The following LRP1B variants were observed in gnomAD, a reference collection of about 807,000 sequenced individuals.
LRP1B encodes LDL receptor related protein 1B.
LRP1B carries 217 observed loss-of-function variants against 556.6 expected under a neutral mutation model. That is an observed-to-expected ratio of 0.39 (90% CI 0.35 to 0.44). The LOEUF (loss-of-function observed/expected upper bound fraction) is 0.44, where lower values mean the gene tolerates loss of function less well. LRP1B is among the 20% of genes least tolerant of loss of function. The pLI is 1.00. For synonymous variants in LRP1B, 2,047 were observed against 1,865.8 expected, an observed-to-expected ratio of 1.10 and a Z score of -2.50; for missense variants, 5,053 against 5,620.8, an observed-to-expected ratio of 0.90 and a Z score of 3.23.
intron 7 of LRP1B, among the ~76,000 whole-genome samples, chr2:141,118,657 C>T (rs1164718286): frequency 6.6e-6 from 1 of 151,850 alleles, no homozygotes; most frequent in Non-Finnish European, 1.5e-5. Flanking sequence ...ACACTCTGGA[C>T]CACACTGTAT....
chr2:140,479,055 T>C (rs1473332003), intron 59 of LRP1B, among the ~76,000 whole-genome samples: 2 of 151,962 alleles, frequency 1.3e-5, no homozygotes, highest in Non-Finnish European at 2.9e-5. Flanking sequence ...AGAAGAATAT[T>C]ATGGATAATA....
At chr2:141,798,027 T>C (rs1015926170) in intron 2 of LRP1B, among the ~76,000 whole-genome samples, 1 of 152,086 alleles carries the variant, frequency 6.6e-6, no homozygotes, top group Non-Finnish European at 1.5e-5. Flanking sequence ...CTGGGGACAG[T>C]TGGAGAAGTT....
At chr2:141,106,743 G>T (rs985323953) in intron 7 of LRP1B, among the ~76,000 whole-genome samples, 1 of 152,078 alleles carries the variant, frequency 6.6e-6, no homozygotes, top group African/African-American at 2.4e-5. Context: ...CTCTTACTAA[G>T]GAGCCCCGCT....
intron 1 of LRP1B, among the ~76,000 whole-genome samples, chr2:141,845,900 A>C (rs908088580): frequency 5.9e-5 from 9 of 151,896 alleles, no homozygotes; most frequent in African/African-American, 1.9e-4. Flanking sequence ...TGACAAATAA[A>C]AATGTCACTG....
rs75576012 is a variant in LRP1B at position 141,045,882 on chromosome 2, C to T, written c.1789+3104G>A. 7.5e-3 allele frequency among the ~76,000 whole-genome samples: 1,147 copies of T among 152,144 alleles called. 3 individuals carry two copies. Among genetic ancestry groups the T allele is most frequent in the Non-Finnish European group, 0.012 (789 of 67,980 alleles). ...GAAAAAATACACATAGTAAATATCT[C>T]GTCTTTATGGAAGTTTATCTTTAAT... On this transcript the variant is annotated intron_variant, in intron 11 of 90. Transcript: ENST00000389484.
At chr2:140,791,854 T>A (rs982709434) in intron 32 of LRP1B, among the ~76,000 whole-genome samples, 2 of 152,174 alleles carry the variant, frequency 1.3e-5, no homozygotes, top group Admixed American at 1.3e-4. Context: ...GGTAAAAGAA[T>A]TATTTTGAGC....
At chr2:140,808,784 C>T (rs1024536603) in intron 32 of LRP1B, among the ~76,000 whole-genome samples, 1 of 152,112 alleles carries the variant, frequency 6.6e-6, no homozygotes, top group Admixed American at 6.6e-5. Context: ...AGTTACATTG[C>T]CTTGTTAGGA....
chr2:140,870,027 C>G (rs1007400639), intron 25 of LRP1B, among the ~76,000 whole-genome samples: 6 of 152,060 alleles, frequency 3.9e-5, no homozygotes, highest in East Asian at 1.9e-4. Flanking sequence ...GAGGGACTCT[C>G]TTTCTGGAAG....
At chr2:141,533,995 T>C (rs1684981430) in intron 2 of LRP1B, among the ~76,000 whole-genome samples, 2 of 152,002 alleles carry the variant, frequency 1.3e-5, no homozygotes, top group South Asian at 4.2e-4. Flanking sequence ...TCAAGAGTGG[T>C]TAATGATTCT....
intron 90 of LRP1B, 56 bp from the exon 91 acceptor site, chr2:140,233,382 A>G (rs1422532165): frequency 7.9e-7 from 1 of 1,258,178 alleles, no homozygotes; most frequent in East Asian, 2.6e-5. Flanking sequence ...CACATTAATT[A>G]TTTACTTCCT....
At chr2:142,031,867 C>T (rs966548761) in intron 1 of LRP1B, among the ~76,000 whole-genome samples, 1 of 151,610 alleles carries the variant, frequency 6.6e-6, no homozygotes, top group Non-Finnish European at 1.5e-5. Flanking sequence ...GCCCCTAATC[C>T]CATATGTCTG....
At chr2:140,519,470 T>A (rs1010976757) in intron 49 of LRP1B, among the ~76,000 whole-genome samples, 3 of 152,140 alleles carry the variant, frequency 2.0e-5, no homozygotes, top group African/African-American at 7.2e-5. Context: ...TCAAGATGGA[T>A]TAAAGACTTA....
chr2:140,538,089 G>T (rs910679845), intron 45 of LRP1B, among the ~76,000 whole-genome samples: 2 of 151,996 alleles, frequency 1.3e-5, no homozygotes, highest in African/African-American at 2.4e-5. Context: ...ATTAATTTTT[G>T]AGCTTTAGTT....
chr2:141,556,736 C>A (rs1312508985), intron 2 of LRP1B, among the ~76,000 whole-genome samples: 1 of 151,806 alleles, frequency 6.6e-6, no homozygotes, highest in Non-Finnish European at 1.5e-5. Flanking sequence ...TCTGTACTTT[C>A]TTGGCTGAAT....
chr2:141,718,782 T>G (rs894492688), intron 2 of LRP1B, among the ~76,000 whole-genome samples: 2 of 152,190 alleles, frequency 1.3e-5, no homozygotes, highest in Non-Finnish European at 2.9e-5. Flanking sequence ...TGATAAGAAC[T>G]GAAGAAATAT....
chr2:141,305,274 A>G (rs1242555572), intron 3 of LRP1B, among the ~76,000 whole-genome samples: 1 of 152,136 alleles, frequency 6.6e-6, no homozygotes, highest in Non-Finnish European at 1.5e-5. Flanking sequence ...AACGTTTTGT[A>G]GTTTTCCTTG....
Position 141,276,438 on chromosome 2 carries a change from C to T in LRP1B, c.344-21797G>A, listed in dbSNP as rs148007629. Among the ~76,000 whole-genome samples the T allele has an allele frequency of 6.1e-3, 928 of 152,036 alleles. 9 individuals carry two copies. Among genetic ancestry groups the T allele is most frequent in the Non-Finnish European group, 9.4e-3 (638 of 67,972 alleles). ...CTAACAGGTAGTTTTTCCATCTTGA[C>T]TCTCCTCCCACCTCCCAGCCTCAAG... On this transcript the variant is annotated intron_variant, in intron 3 of 90. Coordinates refer to ENST00000389484, the MANE Select transcript of LRP1B (RefSeq NM_018557.3).
intron 34 of LRP1B, among the ~76,000 whole-genome samples, chr2:140,770,413 A>C (rs539574251): frequency 6.6e-6 from 1 of 152,100 alleles, no homozygotes; most frequent in Non-Finnish European, 1.5e-5. Flanking sequence ...AGACTGCAAA[A>C]CAGGAAGATT....
intron 2 of LRP1B, among the ~76,000 whole-genome samples, chr2:141,521,517 A>AT (rs147401022): frequency 0.39 from 58,810 of 151,188 alleles, 12,092 homozygotes; most frequent in East Asian, 0.55. Context: ...CTTGGAAGTA[A>AT]TTTTTTTTAT....
Sources: gnomAD v4.1 joint callset for allele counts (sites outside exome capture counted in the v4.1 genomes callset) on GRCh38, gnomAD v4.1.1 for gene constraint, MANE v1.5 for transcripts, NCBI Gene and HGNC (gene_info 2026-07-23, HGNC 2026-07-21) for gene names.